SMG7: variants seen among roughly 807,000 people sequenced by gnomAD.
The protein encoded by SMG7 is SMG7 nonsense mediated mRNA decay factor.
A neutral mutation model predicts 148.2 loss-of-function variants in SMG7; 34 were observed. The ratio of observed to expected loss-of-function variants is 0.23; its 90% CI spans 0.17 to 0.31. The LOEUF (loss-of-function observed/expected upper bound fraction) is 0.31, where lower values mean the gene tolerates loss of function less well. Among genes scored for constraint, SMG7 ranks in the 10% least tolerant of loss-of-function variants. The probability of loss-of-function intolerance (pLI) is 1.00; values close to 1 mark genes in which losing one functional copy is unlikely to be tolerated. For missense variants in SMG7, 1,114 were observed against 1,408.4 expected (o/e 0.79, Z 3.35); for synonymous variants, 492 against 515.1 (o/e 0.96, Z 0.61).
At position 183,551,981 on chromosome 1, in the gene SMG7, G is replaced by T. The variant is rs746896517; in HGVS notation, c.*50G>T. ...AAGGCTCCATAAACCATGGCATGTT[G>T]GGTTTGCAGGACTGGCCCACACAGT... On this transcript the variant is annotated 3_prime_UTR_variant, in exon 23 of 23. Coordinates refer to ENST00000688051, the MANE Select transcript of SMG7 (RefSeq NM_001375584.1). 2 of 1,597,960 alleles carry T rather than the reference G, an allele frequency of 1.3e-6. No homozygotes were observed. Among genetic ancestry groups the T allele is most frequent in the East Asian group, 4.5e-5 (2 of 43,974 alleles).
chr1:183,529,444 G>A lies in SMG7; in HGVS notation c.754G>A (p.Ala252Thr), dbSNP rs749882734. The change falls in exon 8 of 23, where the codon GCC becomes ACC. Residue 252 changes from alanine (A) to threonine (T), a missense_variant. Around this residue, in one of 4 missense-constraint regions of SMG7, gnomAD observed 216 missense variants for 329.1 expected, o/e 0.66. Transcript: ENST00000688051. Reference protein sequence around the residue: ...TKWGVSDFIKAFIKFHGHVYL... With the variant: ...TKWGVSDFIKTFIKFHGHVYL... Reference sequence around the variant, plus strand: ...GTGGGGTGTTTCTGACTTCATCAAGGCCTTTATTAAATTCCACGGTCATGT... The same window carrying A: ...GTGGGGTGTTTCTGACTTCATCAAGACCTTTATTAAATTCCACGGTCATGT... 2 of 1,613,272 alleles carry A rather than the reference G, an allele frequency of 1.2e-6. No homozygotes were observed. The highest frequency in any genetic ancestry group is 1.7e-5 in the Admixed American group (1 of 59,950).
chr1:183,499,156 A>G lies in SMG7; in HGVS notation c.30-13681A>G, dbSNP rs56090697. ...TTTATCCTTTCCCCTACTGAAGGAT[A>G]TCTTGGTTGCTTCAGTAGGTGAATG... On this transcript the variant is annotated intron_variant, in intron 1 of 22. Transcript: ENST00000688051. Among the ~76,000 whole-genome samples the G allele has an allele frequency of 9.5e-3, 1,446 of 152,308 alleles. 15 individuals are homozygous for G. Among genetic ancestry groups the G allele is most frequent in the Non-Finnish European group, 0.017 (1,156 of 68,026 alleles).
intron 1 of SMG7, among the ~76,000 whole-genome samples, chr1:183,502,045 G>T (rs1311717650): frequency 1.3e-5 from 2 of 151,940 alleles, no homozygotes; most frequent in African/African-American, 2.4e-5. Flanking sequence ...TAACATTTTG[G>T]TCTATAACTA....
intron 1 of SMG7, among the ~76,000 whole-genome samples, chr1:183,508,348 C>T (rs1661400918): frequency 6.6e-6 from 1 of 152,104 alleles, no homozygotes; most frequent in African/African-American, 2.4e-5. Flanking sequence ...GTGCACACCA[C>T]CACGCCAGCT....
chr1:183,553,326 C>A lies in SMG7; in HGVS notation c.*1395C>A. On this transcript the variant is annotated 3_prime_UTR_variant, in exon 23 of 23. Coordinates refer to ENST00000688051, the MANE Select transcript of SMG7 (RefSeq NM_001375584.1). ...ATATTTTAAGGGGAAATTATGGAAA[C>A]AATCTAATTGTTCAATTGCTGTGCT... is the stretch of plus-strand genomic sequence containing the variant. The A allele has an allele frequency of 9.7e-7, 1 of 1,032,596 alleles. No individual in the cohort carries two copies. Among genetic ancestry groups the A allele is most frequent in the Non-Finnish European group, 1.4e-6 (1 of 729,022 alleles). The allele number at this position is 1,032,596 out of a possible 1,614,324, so 64.0% of individuals were successfully genotyped here.
At chr1:183,550,036 T>TTTTG (rs766795763) in intron 20 of SMG7, 113 bp downstream of exon 20, 1 of 777,760 alleles carries the variant, frequency 1.3e-6, no homozygotes. Flanking sequence ...TATTTTTATT[T>TTTTG]TTTGTTTGTT....
chr1:183,541,164 G>GCACACGCGCGCGCA (rs1668761749), intron 13 of SMG7, 61 bp downstream of exon 13: 1 of 1,458,396 alleles, frequency 6.9e-7, no homozygotes, highest in Non-Finnish European at 9.5e-7. Flanking sequence ...ACACATGCGC[G>GCACACGCGCGCGCA]CACACGCGCG....
In SMG7 at chr1:183,552,334, A is replaced by T. The variant is rs187013290; in HGVS notation, c.*403A>T. 58 of 996,658 alleles carry T rather than the reference A, an allele frequency of 5.8e-5. 1 individual carries two copies. The South Asian group carries it at 6.9e-4, about 12-fold the overall frequency. 61.7% of individuals were successfully genotyped at this position (996,658 alleles called of 1,614,324 possible). ...TTCCTCTTTGGGGAATAAAATAGGA[A>T]TCCATTAATGATTGCTTTGCTGACT... On this transcript the variant is annotated 3_prime_UTR_variant, in exon 23 of 23. Coordinates refer to ENST00000688051, the MANE Select transcript of SMG7 (RefSeq NM_001375584.1).
chr1:183,481,714 G>GT (rs1654165660), intron 1 of SMG7, among the ~76,000 whole-genome samples: 1 of 152,182 alleles, frequency 6.6e-6, no homozygotes. Context: ...AGTAAATACA[G>GT]TGTGAAATGT....
intron 1 of SMG7, among the ~76,000 whole-genome samples, chr1:183,480,347 C>T (rs1019137526): frequency 6.6e-6 from 1 of 152,120 alleles, no homozygotes; most frequent in African/African-American, 2.4e-5. Flanking sequence ...TTTGCCCTAA[C>T]CTATGTTTTT....
chr1:183,517,465 C>T (rs558453262), intron 3 of SMG7, among the ~76,000 whole-genome samples: 2 of 152,254 alleles, frequency 1.3e-5, no homozygotes, highest in African/African-American at 4.8e-5. Context: ...TCTGATTATT[C>T]GAACATTTGG....
At chr1:183,526,355 T>C (rs1035561442) in intron 4 of SMG7, among the ~76,000 whole-genome samples, 2 of 151,860 alleles carry the variant, frequency 1.3e-5, no homozygotes, top group Admixed American at 1.3e-4. Context: ...GGTTTCATCA[T>C]GTTGGCCAGG....
chr1:183,501,401 CTATAT>C (rs1659678020), intron 1 of SMG7: 2 of 152,164 alleles, frequency 1.3e-5, no homozygotes, highest in Admixed American at 1.3e-4. Context: ...GACATTCTTA[CTATAT>C]TATACTCCCA....
At chr1:183,502,918 A>G (rs975546825) in intron 1 of SMG7, among the ~76,000 whole-genome samples, 2 of 152,226 alleles carry the variant, frequency 1.3e-5, no homozygotes, top group Non-Finnish European at 2.9e-5. Context: ...GCAGCTTATA[A>G]TGACAGAAAA....
rs538905130 is a variant in SMG7 at position 183,530,683 on chromosome 1, A to G, written c.843+1150A>G. 3.3e-5 allele frequency among the ~76,000 whole-genome samples: 5 copies of G among 152,246 alleles called. No individual in the cohort carries two copies. The East Asian group carries it at 7.7e-4, about 24-fold the overall frequency. On this transcript the variant is annotated intron_variant, in intron 8 of 22. Coordinates refer to ENST00000688051, the MANE Select transcript of SMG7 (RefSeq NM_001375584.1). The stretch of plus-strand genomic sequence containing the variant: ...AATCTTAAATTTTAAGTTGAAATCT[A>G]TAGGGGGCTGACCGTGGGATGTTGT...
chr1:183,551,080 A>G lies in SMG7; in HGVS notation c.3340A>G (p.Thr1114Ala), dbSNP rs150421562. 245 of 1,613,970 alleles carry G rather than the reference A, an allele frequency of 1.5e-4. 1 individual carries two copies. In the African/African-American group the frequency reaches 2.5e-3, roughly 17 times the overall value. ...GTTTGGCATTGATTATCTCTCAGCA[A>G]CGTCATCCTCTGAGAGCAGTTGGCA... ...GGFGIDYLSATSSSESSWHQA... is the reference protein window; with the variant it reads ...GGFGIDYLSAASSSESSWHQA... Residue 1114 changes from threonine (T) to alanine (A), a missense_variant, in exon 22 of 23, where the codon ACG becomes GCG. By Grantham distance (58) the Thr-to-Ala change is moderately conservative. This residue lies in a region of SMG7 where 788 missense variants were observed against 894.5 expected (regional missense o/e 0.88). Coordinates refer to ENST00000688051, the MANE Select transcript of SMG7 (RefSeq NM_001375584.1).
chr1:183,542,508 C>T lies in SMG7; in HGVS notation c.1842+6C>T. ...AGCAGAATGTGGCAGTGCAGGTAAG[C>T]TGTATTTGAACTATAAAGCAGGTAG... On this transcript the variant is annotated splice_donor_region_variant and intron_variant, in intron 14 of 22. Transcript: ENST00000688051. 6.2e-7 allele frequency: 1 copy of T among 1,608,334 alleles called. No homozygotes were observed. Among genetic ancestry groups the T allele is most frequent in the Non-Finnish European group, 8.5e-7 (1 of 1,177,366 alleles).
intron 11 of SMG7, among the ~76,000 whole-genome samples, chr1:183,537,941 A>G (rs927602533): frequency 6.6e-6 from 1 of 152,140 alleles, no homozygotes; most frequent in Non-Finnish European, 1.5e-5. Flanking sequence ...TAATTTGCAC[A>G]TAAATCACCT....
intron 10 of SMG7, among the ~76,000 whole-genome samples, chr1:183,536,552 C>T (rs1054278302): frequency 3.3e-5 from 5 of 152,032 alleles, no homozygotes; most frequent in Non-Finnish European, 5.9e-5. Context: ...ATATATAGTA[C>T]GTACTTCTGA....
Sources: allele counts gnomAD v4.1 joint callset (sites outside exome capture counted in the v4.1 genomes callset), GRCh38; gene constraint gnomAD v4.1.1; regional missense constraint gnomAD v4.1.1; transcripts MANE v1.5; gene names NCBI Gene and HGNC (gene_info 2026-07-23, HGNC 2026-07-21).